PAH: variants seen among roughly 807,000 people sequenced by gnomAD.
PAH encodes phenylalanine-4-hydroxylase.
PAH carries 64 observed loss-of-function variants against 62.0 expected under a neutral mutation model. The observed-to-expected ratio is 1.03, with a 90% confidence interval of 0.84 to 1.27. The LOEUF (loss-of-function observed/expected upper bound fraction) is 1.27, where lower values mean the gene tolerates loss of function less well. Among genes scored for constraint, PAH ranks in the 50% most tolerant of loss-of-function variants. PAH has a pLI of 0.00. For missense variants in PAH, 579 were observed against 542.8 expected, an observed-to-expected ratio of 1.07 and a Z score of -0.66; for synonymous variants, 195 against 196.2, an observed-to-expected ratio of 0.99 and a Z score of 0.05.
chr12:102,873,607 C>T (rs2136674578), intron 4 of PAH, among the ~76,000 whole-genome samples: 1 of 152,280 alleles, frequency 6.6e-6, no homozygotes, highest in Admixed American at 6.5e-5. Context: ...ACACAGTGAC[C>T]TTAGAAATGA....
chr12:102,898,242 A>G (rs1356196141), intron 2 of PAH, among the ~76,000 whole-genome samples: 1 of 121,046 alleles, frequency 8.3e-6, no homozygotes, highest in Non-Finnish European at 1.6e-5. Context: ...GTGTCTTTAG[A>G]TGGGATATTT....
At chr12:102,874,152 A>T (rs1458059580) in intron 4 of PAH, among the ~76,000 whole-genome samples, 1 of 152,232 alleles carries the variant, frequency 6.6e-6, no homozygotes, top group Admixed American at 6.5e-5. Context: ...AACATATATG[A>T]TTTAGACCTT....
chr12:102,923,906 A>G (rs943639548), intron 1 of PAH, among the ~76,000 whole-genome samples: 8 of 152,154 alleles, frequency 5.3e-5, no homozygotes, highest in East Asian at 3.8e-4. Flanking sequence ...TGTCCTGCCA[A>G]TGGTGGAGTC....
At chr12:102,844,027 A>G (rs1485292785) in intron 10 of PAH, among the ~76,000 whole-genome samples, 1 of 152,146 alleles carries the variant, frequency 6.6e-6, no homozygotes, top group East Asian at 1.9e-4. Flanking sequence ...TGGTCAATAG[A>G]TGACGTGGGA....
intron 4 of PAH, among the ~76,000 whole-genome samples, chr12:102,873,609 T>C (rs1876447665): frequency 6.6e-6 from 1 of 152,222 alleles, no homozygotes; most frequent in Non-Finnish European, 1.5e-5. Context: ...ACAGTGACCT[T>C]AGAAATGATA....
chr12:102,923,364 C>T (rs559580275), intron 1 of PAH, among the ~76,000 whole-genome samples: 1 of 152,336 alleles, frequency 6.6e-6, no homozygotes, highest in East Asian at 1.9e-4. Context: ...TTCAGCATAA[C>T]ACGTTAATCA....
rs556250498 is a variant in PAH, at chr12:102,957,191, A to C, written c.-96+1004T>G. Among the ~76,000 whole-genome samples the C allele has an allele frequency of 1.3e-5, 2 of 152,220 alleles. No individual in the cohort carries two copies. Among genetic ancestry groups the C allele is most frequent in the African/African-American group, 4.8e-5 (2 of 41,534 alleles). Reference sequence around the variant, plus strand: ...CGAGCCCCACTCCCTCCTCACCTCCACACCGTTCCTGTGCCATTTTTTCTG... The same window carrying C: ...CGAGCCCCACTCCCTCCTCACCTCCCCACCGTTCCTGTGCCATTTTTTCTG... On this transcript the variant is annotated intron_variant, in intron 1 of 4. Transcript: ENST00000551337. The surrounding 1 kb of genome is among the most constrained non-coding windows in gnomAD (Gnocchi z 4.1).
intron 3 of PAH, among the ~76,000 whole-genome samples, chr12:102,879,851 G>T (rs958986893): frequency 6.6e-6 from 1 of 152,188 alleles, no homozygotes; most frequent in South Asian, 2.1e-4. Context: ...AAGTTTCCAT[G>T]CCCCTAAAGC....
rs62508587 is a variant in PAH at position 102,855,260 on chromosome 12, CAG to C, written c.580_581del (p.Leu194GlufsTer5). 1.2e-6 allele frequency: 2 copies of C among 1,614,086 alleles called. No homozygotes were observed. Among genetic ancestry groups the C allele is most frequent in the East Asian group, 2.2e-5 (1 of 44,882 alleles). On this transcript the variant is annotated frameshift_variant, in exon 6 of 13. Transcript: ENST00000553106. LOFTEE classifies it high-confidence loss of function. ...AAGCATGGGTTTTATACAAGGACTT[CAG>C]AGTCTTGAACACTGTGCCCCATGTT... ...KKTWGTVFKT[L>X]KSLYKTHACY...
At chr12:102,897,491 AT>A (rs199733233) in intron 2 of PAH, among the ~76,000 whole-genome samples, 1 of 140,330 alleles carries the variant, frequency 7.1e-6, no homozygotes, top group African/African-American at 3.0e-5. Context: ...ATATATATAT[AT>A]AATTCAAACT....
At chr12:102,874,615 C>A (rs971328442) in intron 4 of PAH, among the ~76,000 whole-genome samples, 2 of 152,222 alleles carry the variant, frequency 1.3e-5, no homozygotes, top group African/African-American at 2.4e-5. Context: ...GCTCAAGAAG[C>A]ATTAGCTCCT....
chr12:102,901,084 A>T (rs1363458238), intron 2 of PAH, among the ~76,000 whole-genome samples: 2 of 152,208 alleles, frequency 1.3e-5, no homozygotes, highest in African/African-American at 4.8e-5. Flanking sequence ...CCTATCCTTT[A>T]AGAAAGCCTT....
intron 11 of PAH, among the ~76,000 whole-genome samples, chr12:102,842,330 G>C (rs1467660789): frequency 6.6e-6 from 1 of 152,166 alleles, no homozygotes; most frequent in Non-Finnish European, 1.5e-5. Flanking sequence ...GAGCCAGAAG[G>C]ACTTGAGAGC....
intron 1 of PAH, chr12:102,914,083 G>T: frequency 2.4e-6 from 1 of 412,576 alleles, no homozygotes; most frequent in South Asian, 7.0e-5. Flanking sequence ...GAATACTGAT[G>T]ACCCTTAGCA....
intron 4 of PAH, 92 bp from the exon 5 acceptor site, chr12:102,866,755 G>A (rs2136663619): frequency 2.0e-6 from 2 of 985,742 alleles, no homozygotes; most frequent in South Asian, 2.6e-5. Flanking sequence ...CTCAAGCCAT[G>A]ACAGTGCATG....
At chr12:102,914,125 T>G (rs1300431014) in intron 1 of PAH, among the ~76,000 whole-genome samples, 1 of 152,150 alleles carries the variant, frequency 6.6e-6, no homozygotes, top group East Asian at 1.9e-4. Context: ...AATTCAGATT[T>G]TTGCCAAAAC....
Position 102,854,267 on chromosome 12 carries a change from C to T in PAH, c.706+869G>A, listed in dbSNP as rs912515967. 2.0e-5 allele frequency among the ~76,000 whole-genome samples: 3 copies of T among 152,178 alleles called. No homozygotes were observed. The East Asian group carries it at 5.8e-4, about 29-fold the overall frequency. ...CAAGTAATTTCCCTGGCTCATTGCC[C>T]CCACAGTGGCCCATCTCTGCACAGC... On this transcript the variant is annotated intron_variant, in intron 6 of 12. Coordinates refer to ENST00000553106, the MANE Select transcript of PAH (RefSeq NM_000277.3).
intron 1 of PAH, among the ~76,000 whole-genome samples, chr12:102,927,659 A>C (rs1021119500): frequency 6.6e-5 from 10 of 151,992 alleles, no homozygotes; most frequent in African/African-American, 4.8e-5. Context: ...TGCAGCCACA[A>C]AAAAAAATTA....
At chr12:102,871,935 AAAAAAAAAAAAAAAATATAT>A (rs1162255095) in intron 4 of PAH, among the ~76,000 whole-genome samples, 78 of 85,224 alleles carry the variant, frequency 9.2e-4, no homozygotes, top group Admixed American at 2.5e-3. Flanking sequence ...AAAAAAAAAA[AAAAAAAAAAAAAAAATATAT>A]ATATATATAT....
Sources: allele counts gnomAD v4.1 joint callset (sites outside exome capture counted in the v4.1 genomes callset), GRCh38; gene constraint gnomAD v4.1.1; non-coding constraint Gnocchi (gnomAD v3.1); transcripts MANE v1.5; gene names NCBI Gene and HGNC (gene_info 2026-07-23, HGNC 2026-07-21).